KYNU: variants seen among roughly 807,000 people sequenced by gnomAD.
KYNU encodes kynureninase.
In KYNU, 54 loss-of-function variants were observed where a neutral mutation model predicts 59.2. The observed-to-expected ratio is 0.91, with a 90% confidence interval of 0.73 to 1.14. The LOEUF is 1.14. KYNU is among the 50% of genes most tolerant of loss of function. The pLI is 0.00. For synonymous variants in KYNU, 177 were observed against 192.0 expected (o/e 0.92, Z 0.65); for missense variants, 567 against 554.4 (o/e 1.02, Z -0.23).
intron 10 of KYNU, among the ~76,000 whole-genome samples, chr2:142,995,492 C>T (rs1365237934): frequency 6.6e-6 from 1 of 152,050 alleles, no homozygotes; most frequent in African/African-American, 2.4e-5. Flanking sequence ...AGCATTAAGT[C>T]AGCTAACTTC....
At chr2:142,931,914 A>G (rs967250351) in intron 4 of KYNU, among the ~76,000 whole-genome samples, 2 of 152,118 alleles carry the variant, frequency 1.3e-5, no homozygotes, top group Non-Finnish European at 2.9e-5. Context: ...ATGCATGATG[A>G]GAGTTTGTGT....
At position 142,961,318 on chromosome 2, in the gene KYNU, C is replaced by T. The variant is rs534483500; in HGVS notation, c.729+548C>T. On this transcript the variant is annotated intron_variant, in intron 8 of 13. Coordinates refer to ENST00000264170, the MANE Select transcript of KYNU (RefSeq NM_003937.3). ...TTTTTTTGCCACTTCTGTGGTCTCACCTCCTTAGTAGCAGCTGCTCTGTGC... is the reference window on the plus strand; with the variant it reads ...TTTTTTTGCCACTTCTGTGGTCTCATCTCCTTAGTAGCAGCTGCTCTGTGC... 3.6e-5 allele frequency among the ~76,000 whole-genome samples: 5 copies of T among 140,230 alleles called. No individual in the cohort carries two copies. The South Asian group carries it at 1.2e-3, about 32-fold the overall frequency. 92.0% of individuals were successfully genotyped at this position (140,230 alleles called of 152,430 possible). A position where few individuals can be genotyped will look rare whatever the true frequency, so the allele number is the denominator to read the frequency against.
chr2:142,891,121 A>G (rs1573754598), intron 2 of KYNU, among the ~76,000 whole-genome samples: 1 of 152,200 alleles, frequency 6.6e-6, no homozygotes, highest in African/African-American at 2.4e-5. Flanking sequence ...TCTTGACTCA[A>G]TCCTGCTTTT....
At chr2:142,914,846 A>G (rs1429130314) in intron 2 of KYNU, among the ~76,000 whole-genome samples, 2 of 152,210 alleles carry the variant, frequency 1.3e-5, no homozygotes, top group East Asian at 3.8e-4. Context: ...GTTGCCAGGC[A>G]CATGTGGGGA....
At chr2:142,986,358 G>A (rs1383008761) in intron 10 of KYNU, among the ~76,000 whole-genome samples, 1 of 151,762 alleles carries the variant, frequency 6.6e-6, no homozygotes, top group Non-Finnish European at 1.5e-5. Context: ...TCCTCACGTT[G>A]ATGAATAAAT....
intron 4 of KYNU, among the ~76,000 whole-genome samples, chr2:142,942,191 A>G (rs1463433577): frequency 6.6e-6 from 1 of 151,892 alleles, no homozygotes; most frequent in Non-Finnish European, 1.5e-5. Context: ...AAAAAAAGAA[A>G]AATGTGTAAC....
intron 10 of KYNU, among the ~76,000 whole-genome samples, chr2:143,018,766 A>G (rs1197161998): frequency 6.6e-6 from 1 of 152,088 alleles, no homozygotes; most frequent in African/African-American, 2.4e-5. Context: ...TTCCATGAGC[A>G]AGGAATGTTT....
chr2:142,979,387 T>G lies in KYNU; in HGVS notation c.730-5697T>G, dbSNP rs560137585. 3.9e-5 allele frequency among the ~76,000 whole-genome samples: 6 copies of G among 152,244 alleles called. No homozygotes were observed. In the South Asian group the frequency reaches 1.2e-3, roughly 32 times the overall value. ...CATTTATTTTTTTATTCAACAATTA[T>G]TTGGGTTCATACTGTGTGAGAGAAG... On this transcript the variant is annotated intron_variant, in intron 8 of 13. Coordinates refer to ENST00000264170, the MANE Select transcript of KYNU (RefSeq NM_003937.3).
chr2:142,972,552 A>G (rs1025195191), intron 8 of KYNU, among the ~76,000 whole-genome samples: 6 of 152,140 alleles, frequency 3.9e-5, no homozygotes, highest in African/African-American at 1.4e-4. Context: ...GGTACTTGAC[A>G]TGTATTTCCA....
intron 4 of KYNU, chr2:142,947,310 A>T: frequency 7.7e-7 from 1 of 1,293,564 alleles, no homozygotes; most frequent in Middle Eastern, 2.2e-4. Context: ...CACCTGTGTC[A>T]TAGAAGCATT....
chr2:142,887,039 G>A (rs1038616287), intron 2 of KYNU, among the ~76,000 whole-genome samples: 13 of 151,978 alleles, frequency 8.6e-5, no homozygotes, highest in Admixed American at 1.3e-4. Flanking sequence ...GCGTAGTGGC[G>A]GGCGCCTGTA....
chr2:142,922,102 A>C (rs941664545), intron 3 of KYNU, among the ~76,000 whole-genome samples: 1 of 152,166 alleles, frequency 6.6e-6, no homozygotes, highest in East Asian at 1.9e-4. Context: ...CTTCTTGACC[A>C]ATGGAAGATT....
rs1353332325 is a variant in KYNU, at chr2:143,009,902, G to T, written c.903-19725G>T. ...CTCTCAATAAATTAGGTATTGATGGGATGTATTTCAAAATAATAAGAGCTA... is the reference window on the plus strand; with the variant it reads ...CTCTCAATAAATTAGGTATTGATGGTATGTATTTCAAAATAATAAGAGCTA... On this transcript the variant is annotated intron_variant, in intron 10 of 13. Transcript: ENST00000264170. 1.9e-4 allele frequency among the ~76,000 whole-genome samples: 22 copies of T among 116,126 alleles called. 3 individuals are homozygous for T. The highest frequency in any genetic ancestry group is 2.7e-4 in the Non-Finnish European group (16 of 58,812). The allele number at this position is 116,126 out of a possible 152,430, so 76.2% of individuals were successfully genotyped here.
chr2:142,960,518 A>C, intron 7 of KYNU, 106 bp from the exon 8 acceptor site: 1 of 993,400 alleles, frequency 1.0e-6, no homozygotes, highest in Non-Finnish European at 1.5e-6. Context: ...GAAAAAAAAA[A>C]CTATTTTATA....
intron 5 of KYNU, among the ~76,000 whole-genome samples, chr2:142,955,974 C>T (rs1359092472): frequency 6.6e-6 from 1 of 151,924 alleles, no homozygotes; most frequent in African/African-American, 2.4e-5. Context: ...TCACATTTTC[C>T]CCCGAGTTTG....
rs761707999 is a variant in KYNU, at chr2:142,960,643, T to C, written c.602T>C (p.Ile201Thr). ...KPREGEETLR[I>T]EDILEVIEKE... ...ATTTAGGGGGAAGAAACCTTAAGAA[T>C]AGAGGATATCCTTGAAGTAATTGAG... The change falls in exon 8 of 14, where the codon ATA becomes ACA. Residue 201 changes from isoleucine (I) to threonine (T), a missense_variant. Transcript: ENST00000264170. 1.2e-6 allele frequency: 2 copies of C among 1,613,764 alleles called. No homozygotes were observed. Among genetic ancestry groups the C allele is most frequent in the Middle Eastern group, 1.7e-4 (1 of 6,060 alleles).
At chr2:142,989,191 C>A (rs1365898647) in intron 10 of KYNU, among the ~76,000 whole-genome samples, 1 of 151,856 alleles carries the variant, frequency 6.6e-6, no homozygotes, top group African/African-American at 2.4e-5. Flanking sequence ...CGGTCAAATC[C>A]AATTTAAACT....
At chr2:143,003,968 G>T (rs1266844234) in intron 10 of KYNU, among the ~76,000 whole-genome samples, 1 of 152,182 alleles carries the variant, frequency 6.6e-6, no homozygotes, top group African/African-American at 2.4e-5. Context: ...TCTAATCGAA[G>T]ACATTCTCCT....
intron 2 of KYNU, among the ~76,000 whole-genome samples, chr2:142,907,634 G>T (rs1043782309): frequency 6.6e-6 from 1 of 152,182 alleles, no homozygotes; most frequent in East Asian, 1.9e-4. Context: ...GGACCCAAAG[G>T]GGGTTGCCAC....
Sources: gnomAD v4.1 joint callset for allele counts (sites outside exome capture counted in the v4.1 genomes callset) on GRCh38, gnomAD v4.1.1 for gene constraint, MANE v1.5 for transcripts, NCBI Gene and HGNC (gene_info 2026-07-23, HGNC 2026-07-21) for gene names.